CDH13: variants seen among roughly 807,000 people sequenced by gnomAD.
The protein encoded by CDH13 is cadherin 13.
Under a neutral mutation model 63.8 loss-of-function variants are expected in CDH13, and 24 were observed. The ratio of observed to expected loss-of-function variants is 0.38; its 90% CI spans 0.27 to 0.53. The LOEUF is 0.53. Ranked by LOEUF, CDH13 falls within the 20% of genes least tolerant of loss-of-function variation. The probability of loss-of-function intolerance (pLI) is 0.85; values close to 1 mark genes in which losing one functional copy is unlikely to be tolerated. For synonymous variants in CDH13, 503 were observed against 355.3 expected, an observed-to-expected ratio of 1.42 and a Z score of -4.67; for missense variants, 1,049 against 903.1, an observed-to-expected ratio of 1.16 and a Z score of -2.07.
rs181087118 is a variant in CDH13 at position 83,074,100 on chromosome 16, T to G, written c.366+41882T>G. On this transcript the variant is annotated intron_variant, in intron 3 of 13. Transcript: ENST00000567109. ...ATTAAAACTTCTTCCTTCTGTCTAC[T>G]GCCTGTTTGTACTTAACTAATTTCT... Among the ~76,000 whole-genome samples, 274 of 152,298 alleles carry G rather than the reference T, an allele frequency of 1.8e-3. 9 individuals are homozygous for G. The highest frequency in any genetic ancestry group is 0.016 in the Admixed American group (248 of 15,288).
intron 11 of CDH13, among the ~76,000 whole-genome samples, chr16:83,774,675 A>T (rs1444837783): frequency 6.6e-6 from 1 of 152,132 alleles, no homozygotes; most frequent in Non-Finnish European, 1.5e-5. Context: ...CACCCGGCCT[A>T]CCATTTATTT....
At chr16:83,657,522 C>T (rs1912974353) in intron 8 of CDH13, among the ~76,000 whole-genome samples, 1 of 152,212 alleles carries the variant, frequency 6.6e-6, no homozygotes, top group Admixed American at 6.5e-5. Flanking sequence ...CAACCAGTAG[C>T]TCCAAAGTGT....
At chr16:83,436,062 G>T (rs1567671376) in intron 6 of CDH13, among the ~76,000 whole-genome samples, 1 of 152,206 alleles carries the variant, frequency 6.6e-6, no homozygotes, top group Admixed American at 6.5e-5. Flanking sequence ...TCAAGGCCAG[G>T]AGTGCCGCTT....
At chr16:82,949,258 C>A (rs764112696) in intron 2 of CDH13, among the ~76,000 whole-genome samples, 20 of 152,170 alleles carry the variant, frequency 1.3e-4, no homozygotes, top group Non-Finnish European at 7.3e-5. Context: ...GTTCTGGCAG[C>A]CCCAGGTGTT....
At position 83,798,524 on chromosome 16, in the gene CDH13, A is replaced by G. The variant is rs1904294687; in HGVS notation, c.*3494A>G. The G allele has an allele frequency of 6.6e-6, 1 of 152,250 alleles. No individual in the cohort carries two copies. Among genetic ancestry groups the G allele is most frequent in the Non-Finnish European group, 1.5e-5 (1 of 68,058 alleles). 9.4% of individuals were successfully genotyped at this position (152,250 alleles called of 1,614,324 possible). Reference sequence around the variant, plus strand: ...CACTACTATCTTCTCCAACTCACAGATAAAGAAGGCTGAGGCTCAGAAAAA... The same window carrying G: ...CACTACTATCTTCTCCAACTCACAGGTAAAGAAGGCTGAGGCTCAGAAAAA... On this transcript the variant is annotated 3_prime_UTR_variant, in exon 14 of 14. Transcript: ENST00000567109.
chr16:83,441,689 T>C (rs1385557241), intron 6 of CDH13, among the ~76,000 whole-genome samples: 1 of 152,170 alleles, frequency 6.6e-6, no homozygotes, highest in African/African-American at 2.4e-5. Context: ...CAGTTAGCTC[T>C]GTGACAGTGA....
chr16:82,878,226 C>T (rs1234030413), intron 2 of CDH13, among the ~76,000 whole-genome samples: 2 of 151,944 alleles, frequency 1.3e-5, no homozygotes. Flanking sequence ...TGCTCCTTCA[C>T]TGAAATCTGC....
intron 7 of CDH13, among the ~76,000 whole-genome samples, chr16:83,589,212 T>C (rs1243237448): frequency 6.6e-6 from 1 of 151,550 alleles, no homozygotes. Context: ...GTAATGTCTC[T>C]CCTCGTCTCC....
chr16:82,835,860 A>T (rs1048120552), intron 1 of CDH13, among the ~76,000 whole-genome samples: 2 of 152,170 alleles, frequency 1.3e-5, no homozygotes, highest in African/African-American at 4.8e-5. Context: ...TATGACAATA[A>T]AATGAATGTA....
At chr16:83,167,904 T>C (rs982002550) in intron 4 of CDH13, among the ~76,000 whole-genome samples, 1 of 152,030 alleles carries the variant, frequency 6.6e-6, no homozygotes, top group Non-Finnish European at 1.5e-5. Context: ...TGCAGCAACA[T>C]GGATGCAGCC....
At chr16:83,178,515 A>G (rs1020428255) in intron 4 of CDH13, among the ~76,000 whole-genome samples, 1 of 152,208 alleles carries the variant, frequency 6.6e-6, no homozygotes, top group African/African-American at 2.4e-5. Flanking sequence ...ACTCACGCAA[A>G]TAACTCAGAC....
At chr16:82,836,076 T>G (rs961367073) in intron 1 of CDH13, among the ~76,000 whole-genome samples, 1 of 152,160 alleles carries the variant, frequency 6.6e-6, no homozygotes, top group East Asian at 1.9e-4. Flanking sequence ...GGGCCCTAAG[T>G]GTGAATATGA....
chr16:83,079,531 A>T (rs1256274155), intron 3 of CDH13, among the ~76,000 whole-genome samples: 1 of 152,220 alleles, frequency 6.6e-6, no homozygotes, highest in Non-Finnish European at 1.5e-5. Context: ...ACCAAATGCA[A>T]GTAGTAATTT....
chr16:83,386,724 T>C (rs1488461103), intron 6 of CDH13, among the ~76,000 whole-genome samples: 1 of 152,176 alleles, frequency 6.6e-6, no homozygotes, highest in African/African-American at 2.4e-5. Flanking sequence ...TATAAGAAAA[T>C]CTAACCATGG....
chr16:83,096,379 A>G (rs2034193242), intron 3 of CDH13, among the ~76,000 whole-genome samples: 1 of 152,212 alleles, frequency 6.6e-6, no homozygotes, highest in African/African-American at 2.4e-5. Flanking sequence ...GGACCTGCAT[A>G]TCTTAATTCC....
At chr16:83,210,139 A>C (rs192625388) in intron 4 of CDH13, among the ~76,000 whole-genome samples, 1 of 152,116 alleles carries the variant, frequency 6.6e-6, no homozygotes, top group East Asian at 1.9e-4. Flanking sequence ...ATCTTGGCTC[A>C]CTGCAACCTC....
At chr16:83,765,954 C>G (rs944562927) in intron 11 of CDH13, among the ~76,000 whole-genome samples, 2 of 152,128 alleles carry the variant, frequency 1.3e-5, no homozygotes, top group Non-Finnish European at 2.9e-5. Flanking sequence ...AACAGATGCA[C>G]AGCTACCTAG....
chr16:83,188,928 T>G (rs1430410357), intron 4 of CDH13, among the ~76,000 whole-genome samples: 1 of 152,110 alleles, frequency 6.6e-6, no homozygotes, highest in Non-Finnish European at 1.5e-5. Flanking sequence ...ACGCTTGGAG[T>G]GAGACCCTTC....
chr16:83,652,432 G>A (rs888849176), intron 8 of CDH13, among the ~76,000 whole-genome samples: 1 of 152,156 alleles, frequency 6.6e-6, no homozygotes, highest in African/African-American at 2.4e-5. Flanking sequence ...TGAGTGCCAT[G>A]CTGGGGGTGG....
Sources: allele counts gnomAD v4.1 joint callset (sites outside exome capture counted in the v4.1 genomes callset), GRCh38; gene constraint gnomAD v4.1.1; transcripts MANE v1.5; gene names NCBI Gene and HGNC (gene_info 2026-07-23, HGNC 2026-07-21).